ELOVL6: variants seen among roughly 807,000 people sequenced by gnomAD.
ELOVL6 encodes the protein very long chain fatty acid elongase 6.
A neutral mutation model predicts 31.7 loss-of-function variants in ELOVL6; 8 were observed. That is an observed-to-expected ratio of 0.25 (90% CI 0.15 to 0.45). ELOVL6 has a LOEUF of 0.45. Among genes scored for constraint, ELOVL6 ranks in the 20% least tolerant of loss-of-function variants. The pLI is 1.00. For missense variants in ELOVL6, 126 were observed against 326.4 expected (o/e 0.39, Z 4.73); for synonymous variants, 101 against 117.7 (o/e 0.86, Z 0.92).
intron 2 of ELOVL6, among the ~76,000 whole-genome samples, chr4:110,089,394 C>A (rs1389991683): frequency 1.3e-5 from 2 of 152,116 alleles, no homozygotes; most frequent in Non-Finnish European, 2.9e-5. Context: ...GCTGACTTTT[C>A]ATATATGTAG....
chr4:110,148,863 TG>T (rs1758203659), intron 1 of ELOVL6, among the ~76,000 whole-genome samples: 1 of 152,174 alleles, frequency 6.6e-6, no homozygotes, highest in Non-Finnish European at 1.5e-5. Flanking sequence ...ATATACTTTT[TG>T]TTCTGTTTTA....
intron 2 of ELOVL6, among the ~76,000 whole-genome samples, chr4:110,083,960 TATATATG>T: frequency 8.4e-6 from 1 of 118,876 alleles, no homozygotes; most frequent in East Asian, 2.1e-4. Flanking sequence ...TTATATATGA[TATATATG>T]ATATAACATA....
chr4:110,075,430 A>G (rs1405838029), intron 2 of ELOVL6, among the ~76,000 whole-genome samples: 1 of 152,238 alleles, frequency 6.6e-6, no homozygotes, highest in Admixed American at 6.5e-5. Flanking sequence ...AATATTACTA[A>G]GCCTTGAAAA....
intron 1 of ELOVL6, among the ~76,000 whole-genome samples, chr4:110,121,689 ACT>A (rs1757362363): frequency 6.6e-6 from 1 of 151,930 alleles, no homozygotes; most frequent in African/African-American, 2.4e-5. Flanking sequence ...ACAGATCGAG[ACT>A]CTGTCTCAAA....
At chr4:110,158,657 A>ATATATATTT in intron 1 of ELOVL6, among the ~76,000 whole-genome samples, 14 of 74,156 alleles carry the variant, frequency 1.9e-4, no homozygotes, top group African/African-American at 9.9e-4. Flanking sequence ...ATATATATAT[A>ATATATATTT]TTTTTTTTTT....
At position 110,198,306 on chromosome 4, in the gene ELOVL6, T is replaced by C. The variant is rs557993773; in HGVS notation, c.30A>G (p.Glu10=). The change falls in exon 1 of 4, where the codon GAA becomes GAG. Residue 10 remains glutamate (E), a synonymous_variant. Coordinates refer to ENST00000302274, the MANE Select transcript of ELOVL6 (RefSeq NM_024090.3). ...CGTTGAACTGCTTTTCGAATTCATA[T>C]TCTTGTAAAGTCAACACTGACATGT... MNMSVLTLQ[E]YEFEKQFNEN... is the part of the protein sequence containing the mutation. The C allele has an allele frequency of 1.8e-4, 292 of 1,611,756 alleles. 3 individuals carry two copies. The South Asian group carries it at 2.9e-3, about 16-fold the overall frequency.
intron 3 of ELOVL6, among the ~76,000 whole-genome samples, chr4:110,052,149 A>G (rs1754852317): frequency 6.6e-6 from 1 of 152,220 alleles, no homozygotes; most frequent in African/African-American, 2.4e-5. Flanking sequence ...CAACTCAACT[A>G]TACATTTTAG....
chr4:110,198,113 G>A, intron 1 of ELOVL6, 134 bp downstream of exon 1: 1 of 676,660 alleles, frequency 1.5e-6, no homozygotes, highest in South Asian at 1.5e-5. Flanking sequence ...CGGGAGACCC[G>A]AGAACTCAGC....
Position 110,069,946 on chromosome 4 carries a change from C to G in ELOVL6, c.222-10192G>C, listed in dbSNP as rs562295138. On this transcript the variant is annotated intron_variant, in intron 2 of 3. Transcript: ENST00000302274. ...CTGGCCTGTTCTCCCTCTACAACCC[C>G]ACTCCATGAGCCTGGGGATGACACT... is the stretch of plus-strand genomic sequence containing the variant. Among the ~76,000 whole-genome samples, 3 of 152,304 alleles carry G rather than the reference C, an allele frequency of 2.0e-5. No individual in the cohort carries two copies. The South Asian group carries it at 6.2e-4, about 32-fold the overall frequency.
intron 1 of ELOVL6, among the ~76,000 whole-genome samples, chr4:110,141,877 TA>T (rs1201855312): frequency 3.2e-4 from 22 of 69,814 alleles, no homozygotes; most frequent in East Asian, 1.3e-3. Flanking sequence ...ATATATATAC[TA>T]ATACAATACA....
At chr4:110,144,279 T>C (rs902553071) in intron 1 of ELOVL6, among the ~76,000 whole-genome samples, 1 of 152,112 alleles carries the variant, frequency 6.6e-6, no homozygotes, top group Non-Finnish European at 1.5e-5. Context: ...CAATCAAGAA[T>C]CCTTATCTTG....
At chr4:110,163,545 C>T (rs962430751) in intron 1 of ELOVL6, among the ~76,000 whole-genome samples, 17 of 152,168 alleles carry the variant, frequency 1.1e-4, no homozygotes, top group African/African-American at 4.1e-4. Flanking sequence ...CAGTTATGGA[C>T]TGACCGCATA....
At chr4:110,148,129 A>AAG (rs946558209) in intron 1 of ELOVL6, among the ~76,000 whole-genome samples, 6 of 150,846 alleles carry the variant, frequency 4.0e-5, no homozygotes, top group African/African-American at 1.2e-4. Flanking sequence ...AAAAAAAAAA[A>AAG]GCCAAATAAT....
intron 2 of ELOVL6, among the ~76,000 whole-genome samples, chr4:110,083,748 C>T (rs549735209): frequency 6.7e-6 from 1 of 150,284 alleles, no homozygotes; most frequent in Non-Finnish European, 1.5e-5. Context: ...TATATTGTGT[C>T]CCGCATTTCC....
rs1387177362 is a variant in ELOVL6, at chr4:110,198,439, C to T, written c.-104G>A. ...TCCTGTCTGCTTCCCCCACCCACCC[C>T]CCTAGGTCTTCCCCACGCCGCTCGG... On this transcript the variant is annotated 5_prime_UTR_variant, in exon 1 of 4. Coordinates refer to ENST00000302274, the MANE Select transcript of ELOVL6 (RefSeq NM_024090.3). The T allele has an allele frequency of 4.2e-6, 3 of 710,180 alleles. No individual in the cohort carries two copies. The highest frequency in any genetic ancestry group is 3.3e-5 in the South Asian group (2 of 60,124). The allele number at this position is 710,180 out of a possible 1,614,324, so 44.0% of individuals were successfully genotyped here.
chr4:110,064,836 A>G (rs921760211), intron 2 of ELOVL6, among the ~76,000 whole-genome samples: 5 of 152,174 alleles, frequency 3.3e-5, no homozygotes, highest in Non-Finnish European at 5.9e-5. Flanking sequence ...CCTGGCCACA[A>G]TTGATGCAAT....
At position 110,198,086 on chromosome 4, in the gene ELOVL6, C is replaced by G. The variant is rs1020235873; in HGVS notation, c.89+161G>C. 1.5e-4 allele frequency: 55 copies of G among 366,526 alleles called. 5 individuals carry two copies. Among genetic ancestry groups the G allele is most frequent in the Non-Finnish European group, 2.8e-4 (54 of 192,384 alleles). 22.7% of individuals were successfully genotyped at this position (366,526 alleles called of 1,614,324 possible). Reference sequence around the variant, plus strand: ...TCGCGCTTCATGTACCCCCCCCCCCCCAGCGTCTCCTGCACCCGGGAGACC... The same window carrying G: ...TCGCGCTTCATGTACCCCCCCCCCCGCAGCGTCTCCTGCACCCGGGAGACC... On this transcript the variant is annotated intron_variant, in intron 1 of 3. Transcript: ENST00000302274.
At chr4:110,108,782 G>A (rs572592772) in intron 1 of ELOVL6, among the ~76,000 whole-genome samples, 5 of 152,292 alleles carry the variant, frequency 3.3e-5, no homozygotes, top group African/African-American at 7.2e-5. Flanking sequence ...AATGGGAATC[G>A]GTTTGAGTGC....
intron 1 of ELOVL6, among the ~76,000 whole-genome samples, chr4:110,106,660 T>A (rs558792758): frequency 2.6e-5 from 4 of 152,290 alleles, no homozygotes; most frequent in South Asian, 4.1e-4. Flanking sequence ...GGCCAGCTTC[T>A]TAACTATATC....
Sources: allele counts gnomAD v4.1 joint callset (sites outside exome capture counted in the v4.1 genomes callset), GRCh38; gene constraint gnomAD v4.1.1; transcripts MANE v1.5; gene names NCBI Gene and HGNC (gene_info 2026-07-23, HGNC 2026-07-21).